The following RHOBTB1 variants were observed in gnomAD, a reference collection of about 807,000 sequenced individuals.
The protein encoded by RHOBTB1 is Rho related BTB domain containing 1.
RHOBTB1 carries 40 observed loss-of-function variants against 71.6 expected under a neutral mutation model. The observed-to-expected ratio is 0.56, with a 90% CI of 0.43 to 0.73. RHOBTB1 has a LOEUF of 0.73. Ranked by LOEUF, RHOBTB1 falls within the 30% of genes least tolerant of loss-of-function variation. RHOBTB1 has a pLI of 0.00. For missense variants in RHOBTB1, 797 were observed against 894.0 expected (o/e 0.89, Z 1.38); for synonymous variants, 319 against 334.9 (o/e 0.95, Z 0.52).
At chr10:60,984,191 A>G (rs1349415919) in intron 2 of RHOBTB1, among the ~76,000 whole-genome samples, 1 of 152,254 alleles carries the variant, frequency 6.6e-6, no homozygotes. Context: ...AAGGCATATT[A>G]GAAGTTAAAA....
chr10:60,872,588 TGCTAAACAACCGTG>T (rs1397813693), intron 9 of RHOBTB1, among the ~76,000 whole-genome samples: 1 of 146,116 alleles, frequency 6.8e-6, no homozygotes, highest in Non-Finnish European at 1.5e-5. Flanking sequence ...GGCCCTCTAG[TGCTAAACAACCGTG>T]GCCTCTGGAA....
At chr10:60,975,992 A>C (rs2086301510) in intron 2 of RHOBTB1, among the ~76,000 whole-genome samples, 1 of 152,120 alleles carries the variant, frequency 6.6e-6, no homozygotes, top group Non-Finnish European at 1.5e-5. Context: ...TTGTTGCACT[A>C]GAAAGTGATA....
upstream of RHOBTB1, among the ~76,000 whole-genome samples, chr10:60,947,409 C>T (rs2085273497): frequency 6.6e-6 from 1 of 152,108 alleles, no homozygotes; most frequent in Admixed American, 6.6e-5. Flanking sequence ...TAAAAAAAAT[C>T]CCACAAGCTA....
intron 4 of RHOBTB1, among the ~76,000 whole-genome samples, chr10:60,905,514 T>C (rs1379347247): frequency 7.0e-6 from 1 of 143,706 alleles, no homozygotes; most frequent in East Asian, 2.1e-4. Context: ...GGACAAAGTA[T>C]CAAAATTTTA....
chr10:60,917,979 C>T (rs769351017), intron 2 of RHOBTB1, among the ~76,000 whole-genome samples: 9 of 152,160 alleles, frequency 5.9e-5, no homozygotes, highest in South Asian at 2.1e-4. Flanking sequence ...CAAATGTACA[C>T]GCATCCATAC....
chr10:60,945,602 T>G (rs563668832), upstream of RHOBTB1, among the ~76,000 whole-genome samples: 2 of 152,356 alleles, frequency 1.3e-5, no homozygotes, highest in Non-Finnish European at 2.9e-5. Context: ...AGTGGATATT[T>G]CTACTCTTCC....
intron 2 of RHOBTB1, among the ~76,000 whole-genome samples, chr10:60,958,988 T>G (rs556854099): frequency 5.3e-4 from 81 of 152,238 alleles, no homozygotes; most frequent in African/African-American, 1.9e-3. Flanking sequence ...TTTGGTGGTC[T>G]CCAGTGAGCC....
At chr10:60,982,180 A>T (rs2134817775) in intron 2 of RHOBTB1, among the ~76,000 whole-genome samples, 1 of 152,316 alleles carries the variant, frequency 6.6e-6, no homozygotes, top group African/African-American at 2.4e-5. Context: ...CTATAATCAT[A>T]TCTATGTGCC....
At chr10:60,977,085 C>G (rs545116385) in intron 2 of RHOBTB1, among the ~76,000 whole-genome samples, 1 of 151,924 alleles carries the variant, frequency 6.6e-6, no homozygotes, top group Non-Finnish European at 1.5e-5. Flanking sequence ...AAAGAAGGCA[C>G]GTTTCTAATT....
At chr10:60,869,181 T>C (rs771000895), downstream of RHOBTB1, among the ~76,000 whole-genome samples, 41 of 152,258 alleles carry the variant, frequency 2.7e-4, no homozygotes, top group Non-Finnish European at 2.8e-4. Flanking sequence ...ACCCGCTCTC[T>C]GGCCCCAGGC....
intron 7 of RHOBTB1, 98 bp downstream of exon 7, chr10:60,886,014 A>G (rs2081551193): frequency 1.2e-6 from 1 of 845,486 alleles, no homozygotes; most frequent in South Asian, 1.5e-5. Flanking sequence ...GAGCCAGTTT[A>G]AGGATTAAAG....
intron 2 of RHOBTB1, among the ~76,000 whole-genome samples, chr10:60,985,589 T>G (rs1173720226): frequency 6.6e-6 from 1 of 152,220 alleles, no homozygotes; most frequent in Non-Finnish European, 1.5e-5. Context: ...TTATGTTATT[T>G]TAGTAATCAA....
downstream of RHOBTB1, among the ~76,000 whole-genome samples, chr10:60,864,460 A>G (rs984311956): frequency 2.0e-5 from 3 of 152,158 alleles, no homozygotes; most frequent in Non-Finnish European, 4.4e-5. Context: ...TTTGAATAAA[A>G]CTGAAAGAGC....
At chr10:60,995,494 A>G (rs569970040) in intron 1 of RHOBTB1, among the ~76,000 whole-genome samples, 9 of 152,326 alleles carry the variant, frequency 5.9e-5, no homozygotes, top group African/African-American at 1.7e-4. Flanking sequence ...ACCTCATTTT[A>G]TCTTACTGTT....
intron 4 of RHOBTB1, among the ~76,000 whole-genome samples, chr10:60,899,334 C>T (rs368405008): frequency 8.5e-5 from 13 of 152,338 alleles, no homozygotes; most frequent in South Asian, 2.1e-4. Flanking sequence ...CTTTCAACTC[C>T]GTCTGGAGTT....
chr10:60,884,865 C>A (rs1380918805), intron 7 of RHOBTB1, among the ~76,000 whole-genome samples: 1 of 151,868 alleles, frequency 6.6e-6, no homozygotes, highest in Non-Finnish European at 1.5e-5. Context: ...AGCCATCTGT[C>A]AAATATACAA....
intron 2 of RHOBTB1, among the ~76,000 whole-genome samples, chr10:60,964,056 C>G (rs1021615058): frequency 6.6e-6 from 1 of 152,110 alleles, no homozygotes; most frequent in Non-Finnish European, 1.5e-5. Context: ...AAAAGACCTA[C>G]CAACCTTGGT....
chr10:60,911,421 G>GT lies in RHOBTB1; in HGVS notation c.121dup (p.Thr41AsnfsTer17). 2 of 1,614,172 alleles carry GT rather than the reference G, an allele frequency of 1.2e-6. No individual in the cohort carries two copies. Among genetic ancestry groups the GT allele is most frequent in the South Asian group, 1.1e-5 (1 of 91,084 alleles). On this transcript the variant is annotated frameshift_variant, in exon 3 of 11. Coordinates refer to ENST00000337910, the MANE Select transcript of RHOBTB1 (RefSeq NM_014836.5). LOFTEE classifies it high-confidence loss of function. ...GTGGGTGGCCAGCAGCTGATACTGC[G>GT]TGAGTGTGGTGTTGCACGCCCTGGC... is the stretch of plus-strand genomic sequence containing the variant.
At chr10:60,998,562 C>T (rs1444622823) in intron 1 of RHOBTB1, among the ~76,000 whole-genome samples, 2 of 152,030 alleles carry the variant, frequency 1.3e-5, no homozygotes, top group Non-Finnish European at 2.9e-5. Flanking sequence ...CAGAAGAAGA[C>T]TCCTAGAGGA....
Sources: allele counts gnomAD v4.1 joint callset (sites outside exome capture counted in the v4.1 genomes callset), GRCh38; gene constraint gnomAD v4.1.1; transcripts MANE v1.5; gene names NCBI Gene and HGNC (gene_info 2026-07-23, HGNC 2026-07-21).